Variants in TIAM2 observed in about 807,000 individuals in gnomAD.
TIAM2 encodes the protein TIAM Rac1 associated GEF 2, also known as rho guanine nucleotide exchange factor TIAM2.
Under a neutral mutation model 152.9 loss-of-function variants are expected in TIAM2, and 80 were observed. The ratio of observed to expected loss-of-function variants is 0.52; its 90% CI spans 0.44 to 0.63. The LOEUF (loss-of-function observed/expected upper bound fraction) is 0.63, where lower values mean the gene tolerates loss of function less well. TIAM2 is among the 30% of genes least tolerant of loss of function. The pLI is 0.00. For missense variants in TIAM2, 1,965 were observed against 2,120.1 expected (o/e 0.93, Z 1.44); for synonymous variants, 804 against 838.0 (o/e 0.96, Z 0.70).
intron 14 of TIAM2, among the ~76,000 whole-genome samples, chr6:155,202,428 A>G (rs1781493431): frequency 6.6e-6 from 1 of 152,136 alleles, no homozygotes; most frequent in African/African-American, 2.4e-5. Flanking sequence ...TTTAGAAGAA[A>G]TTGTTTTAAA....
At chr6:155,112,200 A>G (rs890236615) in intron 2 of TIAM2, among the ~76,000 whole-genome samples, 10 of 143,282 alleles carry the variant, frequency 7.0e-5, no homozygotes, top group Non-Finnish European at 1.2e-4. Context: ...ATCTCGGCTC[A>G]CTGCAACCTC....
intron 1 of TIAM2, among the ~76,000 whole-genome samples, chr6:155,071,077 G>A (rs188498096): frequency 6.6e-6 from 1 of 152,302 alleles, no homozygotes; most frequent in South Asian, 2.1e-4. Flanking sequence ...GGAGGCTGAG[G>A]GGGGAGGATG....
intron 15 of TIAM2, among the ~76,000 whole-genome samples, chr6:155,237,119 G>A (rs76644740): frequency 6.6e-6 from 1 of 152,226 alleles, no homozygotes. Flanking sequence ...ATACAATGGG[G>A]GTACAGGCAT....
At chr6:155,236,151 C>T (rs1400527925) in intron 15 of TIAM2, among the ~76,000 whole-genome samples, 2 of 151,852 alleles carry the variant, frequency 1.3e-5, no homozygotes, top group Admixed American at 1.3e-4. Flanking sequence ...TCATAGGAGG[C>T]CACAACCAGA....
intron 14 of TIAM2, among the ~76,000 whole-genome samples, chr6:155,209,058 T>C (rs1408805763): frequency 6.6e-6 from 1 of 151,906 alleles, no homozygotes; most frequent in Non-Finnish European, 1.5e-5. Flanking sequence ...AAGTGTCTGC[T>C]CTCCTTTGAA....
At chr6:155,222,602 A>G (rs1782087798) in intron 15 of TIAM2, among the ~76,000 whole-genome samples, 1 of 75,590 alleles carries the variant, frequency 1.3e-5, no homozygotes, top group South Asian at 4.7e-4. Flanking sequence ...CTCTGTTTCA[A>G]AAACAAAAAA....
At chr6:155,222,626 A>C (rs866383791) in intron 15 of TIAM2, among the ~76,000 whole-genome samples, 7 of 82,278 alleles carry the variant, frequency 8.5e-5, no homozygotes, top group African/African-American at 3.0e-4. Flanking sequence ...ACAAAAAAAA[A>C]AAACACAAAA....
intron 4 of TIAM2, among the ~76,000 whole-genome samples, chr6:155,131,576 CTTT>C (rs1326392725): frequency 1.4e-5 from 2 of 144,748 alleles, no homozygotes; most frequent in African/African-American, 5.1e-5. Flanking sequence ...CATGTGTAAT[CTTT>C]TTTTTTTTTC....
intron 1 of TIAM2, among the ~76,000 whole-genome samples, chr6:155,046,201 C>T (rs1777170640): frequency 6.6e-6 from 1 of 152,116 alleles, no homozygotes; most frequent in African/African-American, 2.4e-5. Context: ...TTCCCTCGAA[C>T]TTTCTGGTTC....
chr6:155,002,673 T>TTTTATTTATTTATTTATTTATTTATTTG (rs140724297), intron 1 of TIAM2, among the ~76,000 whole-genome samples: 1 of 150,156 alleles, frequency 6.7e-6, no homozygotes, highest in Admixed American at 6.7e-5. Flanking sequence ...GCTTTGCTTG[T>TTTTATTTATTTATTTATTTATTTATTTG]TTTATTTATT....
chr6:155,196,448 A>G (rs145888883), intron 14 of TIAM2, among the ~76,000 whole-genome samples: 300 of 152,288 alleles, frequency 2.0e-3, no homozygotes, highest in African/African-American at 6.8e-3. Context: ...GAAAGGGGGG[A>G]AATTTTAAAA....
chr6:155,112,051 C>T lies in TIAM2; in HGVS notation c.-117-15439C>T, dbSNP rs549315364. Among the ~76,000 whole-genome samples, 339 of 151,806 alleles carry T rather than the reference C, an allele frequency of 2.2e-3. 2 individuals are homozygous for T. Among genetic ancestry groups the T allele is most frequent in the Non-Finnish European group, 4.2e-3 (287 of 67,972 alleles). Reference sequence around the variant, plus strand: ...TGTTATTTGAATCAGAAACATTTGACATGGTTGCTCAGTCTTCTCCCTGAA... The same window carrying T: ...TGTTATTTGAATCAGAAACATTTGATATGGTTGCTCAGTCTTCTCCCTGAA... On this transcript the variant is annotated intron_variant, in intron 2 of 26. Coordinates refer to ENST00000682666, the MANE Select transcript of TIAM2 (RefSeq NM_012454.4).
intron 1 of TIAM2, among the ~76,000 whole-genome samples, chr6:155,083,894 G>T (rs866262423): frequency 3.6e-4 from 55 of 152,206 alleles, no homozygotes; most frequent in African/African-American, 1.3e-3. Flanking sequence ...GGGCTTCAGG[G>T]CAAATGCACC....
chr6:155,028,577 A>G (rs1369953535), intron 1 of TIAM2, among the ~76,000 whole-genome samples: 1 of 138,424 alleles, frequency 7.2e-6, no homozygotes, highest in African/African-American at 2.6e-5. Flanking sequence ...TGTGTTACAT[A>G]TATACTACAT....
intron 2 of TIAM2, among the ~76,000 whole-genome samples, chr6:155,121,646 C>G (rs1386271558): frequency 2.6e-5 from 4 of 152,124 alleles, no homozygotes; most frequent in African/African-American, 9.7e-5. Flanking sequence ...TGATGGCTAG[C>G]CCTTTTGTTA....
At chr6:155,130,502 T>C in intron 4 of TIAM2, 85 bp downstream of exon 4, 1 of 1,307,468 alleles carries the variant, frequency 7.6e-7, no homozygotes, top group Non-Finnish European at 1.0e-6. Flanking sequence ...CACCATAGAG[T>C]GTTGTCGGGG....
intron 1 of TIAM2, among the ~76,000 whole-genome samples, chr6:155,043,305 G>C (rs1348715913): frequency 2.0e-5 from 3 of 152,088 alleles, no homozygotes; most frequent in Non-Finnish European, 4.4e-5. Context: ...AAACAAAGAT[G>C]CCTTTGGTCT....
At chr6:154,999,346 G>T (rs1778275168) in intron 1 of TIAM2, among the ~76,000 whole-genome samples, 1 of 151,886 alleles carries the variant, frequency 6.6e-6, no homozygotes, top group African/African-American at 2.4e-5. Flanking sequence ...GAGTAGCTGG[G>T]ATTGCACCCA....
At chr6:155,239,147 T>C (rs1295830983) in intron 15 of TIAM2, among the ~76,000 whole-genome samples, 1 of 152,210 alleles carries the variant, frequency 6.6e-6, no homozygotes, top group Non-Finnish European at 1.5e-5. Flanking sequence ...TATTAAGAGA[T>C]GCTCCTGAGA....
Sources: gnomAD v4.1 joint callset for allele counts (sites outside exome capture counted in the v4.1 genomes callset) on GRCh38, gnomAD v4.1.1 for gene constraint, MANE v1.5 for transcripts, NCBI Gene and HGNC (gene_info 2026-07-23, HGNC 2026-07-21) for gene names.